Variants in GALNT14 observed in about 807,000 individuals in gnomAD.
GALNT14 encodes the protein polypeptide N-acetylgalactosaminyltransferase 14, also known as UDP-GalNAc:polypeptide N-acetylgalactosaminyltransferase 14.
In GALNT14, 60 loss-of-function variants were observed where a neutral mutation model predicts 77.5. That is an observed-to-expected ratio of 0.77 (90% CI 0.63 to 0.96). The LOEUF (loss-of-function observed/expected upper bound fraction) is 0.96. Ranked by LOEUF, GALNT14 falls within the 40% of genes least tolerant of loss-of-function variation. The probability of loss-of-function intolerance (pLI) is 0.00; values close to 1 mark genes in which losing one functional copy is unlikely to be tolerated. For synonymous variants in GALNT14, 280 were observed against 281.7 expected (o/e 0.99, Z 0.06); for missense variants, 710 against 731.0 (o/e 0.97, Z 0.33).
At chr2:30,999,034 CA>C (rs1391187388) in intron 1 of GALNT14, among the ~76,000 whole-genome samples, 2 of 152,022 alleles carry the variant, frequency 1.3e-5, no homozygotes, top group Non-Finnish European at 2.9e-5. Context: ...CAGCCAGGGC[CA>C]AAAAAGGAGG....
At chr2:30,947,872 G>A (rs1014002171) in intron 6 of GALNT14, among the ~76,000 whole-genome samples, 1 of 152,214 alleles carries the variant, frequency 6.6e-6, no homozygotes, top group African/African-American at 2.4e-5. Flanking sequence ...AGGTGCCTCT[G>A]AAAACCAATT....
chr2:30,947,444 C>T (rs1259961601), intron 6 of GALNT14, among the ~76,000 whole-genome samples: 1 of 152,204 alleles, frequency 6.6e-6, no homozygotes, highest in Non-Finnish European at 1.5e-5. Flanking sequence ...TCACCAGCTT[C>T]TTGGAGCCAT....
chr2:31,050,670 G>A (rs191542216), intron 1 of GALNT14, among the ~76,000 whole-genome samples: 1 of 152,126 alleles, frequency 6.6e-6, no homozygotes, highest in East Asian at 1.9e-4. Flanking sequence ...AGTAACCTAA[G>A]ATGACAACGT....
chr2:30,997,260 C>A (rs1670092534), intron 1 of GALNT14, among the ~76,000 whole-genome samples: 1 of 152,212 alleles, frequency 6.6e-6, no homozygotes, highest in African/African-American at 2.4e-5. Context: ...TGAGTCCCCA[C>A]ATCCAGCTTC....
At chr2:30,976,802 C>T (rs1358485114) in intron 2 of GALNT14, among the ~76,000 whole-genome samples, 2 of 152,200 alleles carry the variant, frequency 1.3e-5, no homozygotes, top group African/African-American at 2.4e-5. Flanking sequence ...CAAATCACAT[C>T]ATACAACAGT....
chr2:30,976,467 T>C (rs1317549258), intron 2 of GALNT14, among the ~76,000 whole-genome samples: 1 of 152,114 alleles, frequency 6.6e-6, no homozygotes, highest in Non-Finnish European at 1.5e-5. Flanking sequence ...GTGGAAACCC[T>C]GGGGGAAGTG....
chr2:31,032,846 T>C (rs1053439114), intron 1 of GALNT14, among the ~76,000 whole-genome samples: 2 of 152,168 alleles, frequency 1.3e-5, no homozygotes, highest in African/African-American at 4.8e-5. Flanking sequence ...GGCTTTATTT[T>C]GCTCAATGCT....
chr2:30,957,581 A>G (rs1667441719), intron 4 of GALNT14, among the ~76,000 whole-genome samples: 1 of 152,116 alleles, frequency 6.6e-6, no homozygotes, highest in Non-Finnish European at 1.5e-5. Flanking sequence ...TGTACAGCCC[A>G]CTTCTGCATC....
intron 1 of GALNT14, among the ~76,000 whole-genome samples, chr2:31,059,588 C>G (rs1279138410): frequency 2.0e-5 from 3 of 152,114 alleles, no homozygotes; most frequent in Non-Finnish European, 4.4e-5. Context: ...TGCCTTGAGT[C>G]CCAGCTACTT....
chr2:31,049,916 GA>G (rs1673728872), intron 1 of GALNT14, among the ~76,000 whole-genome samples: 1 of 152,180 alleles, frequency 6.6e-6, no homozygotes, highest in African/African-American at 2.4e-5. Context: ...TCTGTGAAAT[GA>G]AATTCTTGGG....
intron 1 of GALNT14, among the ~76,000 whole-genome samples, chr2:31,123,801 T>G (rs1678543751): frequency 6.6e-6 from 1 of 152,168 alleles, no homozygotes; most frequent in African/African-American, 2.4e-5. Context: ...TGTATCCCCA[T>G]GTACCCCGGC....
Position 30,910,868 on chromosome 2 carries a change from C to T in GALNT14, c.*33G>A, listed in dbSNP as rs1292160599. 3 of 1,608,832 alleles carry T rather than the reference C, an allele frequency of 1.9e-6. No homozygotes were observed. The highest frequency in any genetic ancestry group is 2.7e-5 in the African/African-American group (2 of 74,788). On this transcript the variant is annotated 3_prime_UTR_variant, in exon 15 of 15. Coordinates refer to ENST00000349752, the MANE Select transcript of GALNT14 (RefSeq NM_024572.4). ...TCTGTTCTGGTCCAGGGAAGCACCA[C>T]CCCATGGCCCTTGCTGCTTCTGGCA...
intron 1 of GALNT14, among the ~76,000 whole-genome samples, chr2:31,003,491 C>T (rs1670487267): frequency 6.6e-6 from 1 of 152,206 alleles, no homozygotes; most frequent in Non-Finnish European, 1.5e-5. Flanking sequence ...CCCGGAGGGT[C>T]TGCCAGCCAG....
At chr2:31,011,037 T>G (rs1670994652) in intron 1 of GALNT14, among the ~76,000 whole-genome samples, 1 of 152,122 alleles carries the variant, frequency 6.6e-6, no homozygotes, top group African/African-American at 2.4e-5. Flanking sequence ...CTACAGGAAT[T>G]AACTAGACTG....
At chr2:30,913,514 C>G (rs1455742949) in intron 13 of GALNT14, among the ~76,000 whole-genome samples, 3 of 152,190 alleles carry the variant, frequency 2.0e-5, no homozygotes, top group African/African-American at 7.2e-5. Context: ...CTGGTCCTCT[C>G]CTGACCTCCA....
At chr2:31,018,243 G>A (rs1369543483) in intron 1 of GALNT14, among the ~76,000 whole-genome samples, 1 of 152,244 alleles carries the variant, frequency 6.6e-6, no homozygotes, top group Non-Finnish European at 1.5e-5. Context: ...GACTTGAGAG[G>A]AATGACTACC....
chr2:30,939,876 A>T (rs1232993703), intron 9 of GALNT14, among the ~76,000 whole-genome samples: 1 of 151,266 alleles, frequency 6.6e-6, no homozygotes, highest in Non-Finnish European at 1.5e-5. Flanking sequence ...CTTCACGGGG[A>T]CCCTCTTTCA....
chr2:31,082,951 G>A (rs1490618354), intron 1 of GALNT14, among the ~76,000 whole-genome samples: 1 of 152,188 alleles, frequency 6.6e-6, no homozygotes, highest in Non-Finnish European at 1.5e-5. Context: ...TTGGGAGGCG[G>A]AGGTTGCAGT....
chr2:31,012,224 T>C (rs1671076312), intron 1 of GALNT14, among the ~76,000 whole-genome samples: 3 of 152,328 alleles, frequency 2.0e-5, no homozygotes, highest in Admixed American at 6.5e-5. Context: ...CCAAGTTCTT[T>C]GCCGTGGTCT....
Sources: allele counts gnomAD v4.1 joint callset (sites outside exome capture counted in the v4.1 genomes callset), GRCh38; gene constraint gnomAD v4.1.1; transcripts MANE v1.5; gene names NCBI Gene and HGNC (gene_info 2026-07-23, HGNC 2026-07-21).